Variants in TYRO3 observed in about 807,000 individuals in gnomAD.
The protein encoded by TYRO3 is tyrosine-protein kinase receptor TYRO3.
Under a neutral mutation model 95.2 loss-of-function variants are expected in TYRO3, and 38 were observed. The ratio of observed to expected loss-of-function variants is 0.40; its 90% CI spans 0.31 to 0.52. The LOEUF (loss-of-function observed/expected upper bound fraction) is 0.52, where lower values mean the gene tolerates loss of function less well. Ranked by LOEUF, TYRO3 falls within the 20% of genes least tolerant of loss-of-function variation. The probability of loss-of-function intolerance (pLI) is 0.56; values close to 1 mark genes in which losing one functional copy is unlikely to be tolerated. For missense variants in TYRO3, 812 were observed against 1,116.4 expected, an observed-to-expected ratio of 0.73 and a Z score of 3.89; for synonymous variants, 367 against 432.9, an observed-to-expected ratio of 0.85 and a Z score of 1.89.
rs1237344380 is a variant in TYRO3, at chr15:41,573,086, C to T, written c.1960C>T (p.Arg654Ter). The change falls in exon 16 of 19, where the codon CGA becomes TGA. Residue 654 changes from arginine to a stop codon, truncating the protein, a stop_gained. Transcript: ENST00000263798. LOFTEE classifies it high-confidence loss of function. ...EYLSSRNFIH[R>*]DLAARNCMLA... ...CCTGAGCTCTCGGAACTTCATCCAC[C>T]GAGACCTGGCTGCTCGGAATTGCAT... is the stretch of plus-strand genomic sequence containing the variant. 2.5e-6 allele frequency: 4 copies of T among 1,614,112 alleles called. No homozygotes were observed. The highest frequency in any genetic ancestry group is 2.2e-5 in the East Asian group (1 of 44,884).
intron 6 of TYRO3, 136 bp from the exon 7 acceptor site, chr15:41,567,224 G>T (rs2055733983): frequency 3.3e-6 from 2 of 606,412 alleles, no homozygotes; most frequent in African/African-American, 1.9e-5. Context: ...TTGGGGTGGG[G>T]GCAGATGGGA....
At chr15:41,562,739 G>C in intron 4 of TYRO3, 21 bp downstream of exon 4, 1 of 1,583,532 alleles carries the variant, frequency 6.3e-7, no homozygotes, top group Non-Finnish European at 8.6e-7. Context: ...TCAGAAGGGG[G>C]CTGGGAGTGG....
In TYRO3 at chr15:41,562,625, G is replaced by T. The variant is rs1391089007; in HGVS notation, c.487G>T (p.Val163Leu). The T allele has an allele frequency of 1.9e-6, 3 of 1,614,058 alleles. No individual in the cohort carries two copies. The highest frequency in any genetic ancestry group is 1.7e-6 in the Non-Finnish European group (2 of 1,180,052). Residue 163 changes from valine to leucine, a missense_variant, in exon 4 of 19, where the codon GTG (valine) becomes TTG (leucine). Val to Leu is a conservative substitution (Grantham distance 32). Coordinates refer to ENST00000263798, the MANE Select transcript of TYRO3 (RefSeq NM_006293.4). ...CCCTTTCCAACTGTCTTGTGAGGCTGTGGGTCCCCCTGAACCTGTTACCAT... is the reference window on the plus strand; with the variant it reads ...CCCTTTCCAACTGTCTTGTGAGGCTTTGGGTCCCCCTGAACCTGTTACCAT... ...NAPFQLSCEAVGPPEPVTIVW... is the reference protein window; with the variant it reads ...NAPFQLSCEALGPPEPVTIVW...
Position 41,582,954 on chromosome 15 carries a change from G to A in TYRO3, c.*4678G>A, listed in dbSNP as rs914886457. 1 of 144,160 alleles carries A rather than the reference G, an allele frequency of 6.9e-6. No individual in the cohort carries two copies. The highest frequency in any genetic ancestry group is 2.6e-5 in the African/African-American group (1 of 39,084). The allele number at this position is 144,160 out of a possible 1,614,324, so 8.9% of individuals were successfully genotyped here. A position where few individuals can be genotyped will look rare whatever the true frequency, so the allele number is the denominator to read the frequency against. ...TCCCACCTCAGCGTCCTGAATAGCT[G>A]GGACCACAGGCACACGCCACTGCAC... On this transcript the variant is annotated 3_prime_UTR_variant, in exon 19 of 19. Coordinates refer to ENST00000263798, the MANE Select transcript of TYRO3 (RefSeq NM_006293.4).
intron 6 of TYRO3, among the ~76,000 whole-genome samples, chr15:41,566,216 A>C (rs1002172625): frequency 1.4e-5 from 2 of 147,620 alleles, no homozygotes; most frequent in Admixed American, 1.4e-4. Flanking sequence ...AGGAGGCTAG[A>C]GTGGGAGGAT....
At chr15:41,573,588 C>G (rs2055826487) in intron 17 of TYRO3, 91 bp from the exon 18 acceptor site, 1 of 1,597,334 alleles carries the variant, frequency 6.3e-7, no homozygotes, top group African/African-American at 1.3e-5. Flanking sequence ...AGGCCCTGAG[C>G]CCCAGGTTGT....
chr15:41,569,066 G>A, intron 9 of TYRO3, 44 bp downstream of exon 9: 1 of 1,607,718 alleles, frequency 6.2e-7, no homozygotes, highest in East Asian at 2.2e-5. Context: ...AGGGGATCAA[G>A]GTTTTCAAGG....
intron 8 of TYRO3, 105 bp from the exon 9 acceptor site, chr15:41,568,773 C>T: frequency 7.3e-7 from 1 of 1,360,992 alleles, no homozygotes; most frequent in Admixed American, 2.3e-5. Context: ...CCCACAGTGC[C>T]CCTATACTCC....
rs1184962168 is a variant in TYRO3, at chr15:41,568,891, T to C, written c.1121T>C (p.Val374Ala). The C allele has an allele frequency of 6.2e-7, 1 of 1,611,882 alleles. No homozygotes were observed. Among genetic ancestry groups the C allele is most frequent in the Non-Finnish European group, 8.5e-7 (1 of 1,179,878 alleles). Residue 374 changes from valine to alanine, a missense_variant, in exon 9 of 19, where the codon GTG becomes GCG. Transcript: ENST00000263798. Reference protein sequence around the residue: ...QDNGTQDELTVEGTRANLTGW... With the variant: ...QDNGTQDELTAEGTRANLTGW... Reference sequence around the variant, plus strand: ...TCCTGGCTGCAGGATGAGCTGACAGTGGAGGGGACCAGGGCCAATTTGACA... The same window carrying C: ...TCCTGGCTGCAGGATGAGCTGACAGCGGAGGGGACCAGGGCCAATTTGACA...
At chr15:41,569,143 A>G (rs1189385305) in intron 9 of TYRO3, 121 bp downstream of exon 9, 3 of 1,233,304 alleles carry the variant, frequency 2.4e-6, no homozygotes, top group African/African-American at 3.0e-5. Flanking sequence ...GACAGAGTGA[A>G]GAAGTTGAGG....
Position 41,562,563 on chromosome 15 carries a change from C to G in TYRO3, c.425C>G (p.Thr142Arg). The G allele has an allele frequency of 6.2e-7, 1 of 1,612,700 alleles. No individual in the cohort carries two copies. The highest frequency in any genetic ancestry group is 8.5e-7 in the Non-Finnish European group (1 of 1,180,024). ...TCTCTCCTAGGTGTGCCATTTTTCA[C>G]AGTGGAGCCAAAAGATCTGGCAGTG... is the stretch of plus-strand genomic sequence containing the variant. ...WLTVEGVPFF[T>R]VEPKDLAVPP... The change falls in exon 4 of 19, where the codon ACA becomes AGA. Residue 142 changes from threonine to arginine, a missense_variant. By Grantham distance (71) the Thr-to-Arg change is moderately conservative. Transcript: ENST00000263798.
In TYRO3 at chr15:41,581,955, T is replaced by G. The variant is rs899311264; in HGVS notation, c.*3679T>G. On this transcript the variant is annotated 3_prime_UTR_variant, in exon 19 of 19. Coordinates refer to ENST00000263798, the MANE Select transcript of TYRO3 (RefSeq NM_006293.4). ...ATCAAAAAGGATTTTCACAAACAGATCCAAAGAACCAGCATCCAGATTAAG... is the reference window on the plus strand; with the variant it reads ...ATCAAAAAGGATTTTCACAAACAGAGCCAAAGAACCAGCATCCAGATTAAG... The G allele has an allele frequency of 1.4e-5, 2 of 141,370 alleles. No homozygotes were observed. The highest frequency in any genetic ancestry group is 5.3e-5 in the African/African-American group (2 of 38,064). The allele number at this position is 141,370 out of a possible 1,614,324, so 8.8% of individuals were successfully genotyped here.
intron 4 of TYRO3, 125 bp downstream of exon 4, chr15:41,562,843 GA>G: frequency 6.1e-6 from 6 of 978,104 alleles, no homozygotes; most frequent in East Asian, 2.6e-5. Context: ...AGTGTCTGGG[GA>G]CGTGAGCTGC....
In TYRO3 at chr15:41,567,396, G is replaced by A. The variant is rs556634645; in HGVS notation, c.820G>A (p.Val274Ile). 3 of 1,599,772 alleles carry A rather than the reference G, an allele frequency of 1.9e-6. No individual in the cohort carries two copies. The highest frequency in any genetic ancestry group is 4.6e-5 in the East Asian group (2 of 43,590). Residue 274 changes from valine (V) to isoleucine (I), a missense_variant, in exon 7 of 19, where the codon GTT (valine) becomes ATT (isoleucine). Val to Ile is a conservative substitution (Grantham distance 29). Transcript: ENST00000263798. ...CCCAGGAGGCTGGGAAGTCCTGGCTGTTGTGGTCCCTGTGCCCCCCTTTAC... is the reference window on the plus strand; with the variant it reads ...CCCAGGAGGCTGGGAAGTCCTGGCTATTGTGGTCCCTGTGCCCCCCTTTAC... ...QAPGGWEVLA[V>I]VVPVPPFTCL...
At position 41,578,493 on chromosome 15, in the gene TYRO3, G is replaced by A; in HGVS notation, c.*217G>A. On this transcript the variant is annotated 3_prime_UTR_variant, in exon 19 of 19. Transcript: ENST00000263798. ...CAGCCTGGCATCAGTTTAGGCCTTG[G>A]CTTGATGGAAGTGGGCCAGTCCTGG... The A allele has an allele frequency of 1.5e-6, 1 of 657,430 alleles. No homozygotes were observed. The highest frequency in any genetic ancestry group is 2.5e-6 in the Non-Finnish European group (1 of 396,004). 40.7% of individuals were successfully genotyped at this position (657,430 alleles called of 1,614,324 possible). A position where few individuals can be genotyped will look rare whatever the true frequency, so the allele number is the denominator to read the frequency against.
chr15:41,573,806 T>C lies in TYRO3; in HGVS notation c.2273T>C (p.Met758Thr), dbSNP rs539702700. ...GNRLKQPPEC[M>T]EDVYDLMYQC... Reference sequence around the variant, plus strand: ...CGCCTGAAACAGCCTCCGGAGTGTATGGAGGACGTGTGAGTATCCTGGGAA... The same window carrying C: ...CGCCTGAAACAGCCTCCGGAGTGTACGGAGGACGTGTGAGTATCCTGGGAA... Residue 758 changes from methionine to threonine, a missense_variant, in exon 18 of 19, where the codon ATG becomes ACG. Coordinates refer to ENST00000263798, the MANE Select transcript of TYRO3 (RefSeq NM_006293.4). 6.2e-7 allele frequency: 1 copy of C among 1,614,146 alleles called. No homozygotes were observed. The highest frequency in any genetic ancestry group is 1.1e-5 in the South Asian group (1 of 91,068).
intron 6 of TYRO3, among the ~76,000 whole-genome samples, chr15:41,566,062 C>G (rs2055719725): frequency 6.6e-6 from 1 of 152,088 alleles, no homozygotes; most frequent in Non-Finnish European, 1.5e-5. Flanking sequence ...CCTGTAATCC[C>G]AGCACTTTGG....
At position 41,573,448 on chromosome 15, in the gene TYRO3, A is replaced by C. The variant is rs1440951799; in HGVS notation, c.2126A>C (p.Tyr709Ser). The change falls in exon 17 of 19, where the codon TAT becomes TCT. Residue 709 changes from tyrosine to serine, a missense_variant. Coordinates refer to ENST00000263798, the MANE Select transcript of TYRO3 (RefSeq NM_006293.4). ...LALESLADNL[Y>S]TVQSDVWAFG... is the part of the protein sequence containing the mutation. Reference sequence around the variant, plus strand: ...CTGGAGAGCCTGGCCGACAACCTGTATACTGTGCAGAGTGACGTGGTGAGC... The same window carrying C: ...CTGGAGAGCCTGGCCGACAACCTGTCTACTGTGCAGAGTGACGTGGTGAGC... 1.2e-6 allele frequency: 2 copies of C among 1,614,120 alleles called. No individual in the cohort carries two copies. Among genetic ancestry groups the C allele is most frequent in the Non-Finnish European group, 1.7e-6 (2 of 1,180,054 alleles).
In TYRO3 at chr15:41,572,580, G is replaced by A; in HGVS notation, c.1875+16G>A. 2 of 996,608 alleles carry A rather than the reference G, an allele frequency of 2.0e-6. No homozygotes were observed. Among genetic ancestry groups the A allele is most frequent in the East Asian group, 2.3e-5 (1 of 43,198 alleles). 61.7% of individuals were successfully genotyped at this position (996,608 alleles called of 1,614,324 possible). Reference sequence around the variant, plus strand: ...GAACCCCTTTGTGAGTACCTGGTGTGGGGGTGGCCAGGAGGAAACGGGTGG... The same window carrying A: ...GAACCCCTTTGTGAGTACCTGGTGTAGGGGTGGCCAGGAGGAAACGGGTGG... On this transcript the variant is annotated intron_variant, in intron 15 of 18. Coordinates refer to ENST00000263798, the MANE Select transcript of TYRO3 (RefSeq NM_006293.4).
Sources: gnomAD v4.1 joint callset for allele counts (sites outside exome capture counted in the v4.1 genomes callset) on GRCh38, gnomAD v4.1.1 for gene constraint, MANE v1.5 for transcripts, NCBI Gene and HGNC (gene_info 2026-07-23, HGNC 2026-07-21) for gene names.